Variants in ACTN1 observed in about 807,000 individuals in gnomAD.
ACTN1 encodes alpha-actinin-1.
A neutral mutation model predicts 119.6 loss-of-function variants in ACTN1; 30 were observed. The observed-to-expected ratio is 0.25, with a 90% confidence interval of 0.19 to 0.34. The LOEUF (loss-of-function observed/expected upper bound fraction) is 0.34, where lower values mean the gene tolerates loss of function less well. Ranked by LOEUF, ACTN1 falls within the 10% of genes least tolerant of loss-of-function variation. The pLI, the probability that ACTN1 is intolerant of heterozygous loss-of-function variation, is 1.00. For synonymous variants in ACTN1, 429 were observed against 472.6 expected (o/e 0.91, Z 1.20); for missense variants, 764 against 1,223.4 (o/e 0.62, Z 5.60).
At chr14:68,895,038 G>A (rs1390573414) in intron 8 of ACTN1, among the ~76,000 whole-genome samples, 1 of 150,880 alleles carries the variant, frequency 6.6e-6, no homozygotes, top group Non-Finnish European at 1.5e-5. Context: ...GGGGCAGGGG[G>A]TAAGGGGCAG....
intron 8 of ACTN1, among the ~76,000 whole-genome samples, chr14:68,901,409 G>T (rs546870655): frequency 3.2e-4 from 48 of 151,994 alleles, no homozygotes; most frequent in African/African-American, 1.1e-3. Flanking sequence ...TATCACACCC[G>T]GCTAATTTTT....
At chr14:68,893,889 C>T (rs1031371665) in intron 8 of ACTN1, 142 bp from the exon 9 acceptor site, 1 of 710,704 alleles carries the variant, frequency 1.4e-6, no homozygotes. Context: ...AGGTCACATT[C>T]CTCCTCTCTC....
chr14:68,963,104 C>CTTTGGTTA (rs2036591976), intron 1 of ACTN1, among the ~76,000 whole-genome samples: 1 of 152,018 alleles, frequency 6.6e-6, no homozygotes, highest in Non-Finnish European at 1.5e-5. Flanking sequence ...CTTTGCAGGC[C>CTTTGGTTA]CACCTCCCCT....
At chr14:68,926,311 C>T (rs4902673) in intron 1 of ACTN1, among the ~76,000 whole-genome samples, 8,832 of 152,208 alleles carry the variant, frequency 0.058, 534 homozygotes, top group African/African-American at 0.14. Flanking sequence ...GTAAGGAGGT[C>T]AAATCAAAGA....
chr14:68,881,109 C>A, intron 16 of ACTN1, 120 bp from the exon 17 acceptor site: 1 of 927,314 alleles, frequency 1.1e-6, no homozygotes, highest in Non-Finnish European at 1.6e-6. Flanking sequence ...CCATCCCAGC[C>A]CTAAGGAGGC....
rs200777938 is a variant in ACTN1 at position 68,892,119 on chromosome 14, C to A, written c.1020G>T (p.Thr340=). The A allele has an allele frequency of 6.2e-7, 1 of 1,613,984 alleles. No homozygotes were observed. The highest frequency in any genetic ancestry group is 8.5e-7 in the Non-Finnish European group (1 of 1,180,012). The change falls in exon 10 of 22, where the codon ACG becomes ACT. Residue 340 remains threonine, a synonymous_variant. Coordinates refer to ENST00000394419, the MANE Select transcript of ACTN1 (RefSeq NM_001130004.2). ...EKCQLEINFN[T]LQTKLRLSNR... ...TGCTGAGCCGCAGCTTGGTCTGCAGCGTGTTGAAGTTGATCTCCAGCTGGC... is the reference window on the plus strand; with the variant it reads ...TGCTGAGCCGCAGCTTGGTCTGCAGAGTGTTGAAGTTGATCTCCAGCTGGC...
rs755537735 is a variant in ACTN1 at position 68,884,151 on chromosome 14, G to A, written c.1635+17C>T. The A allele has an allele frequency of 4.4e-6, 7 of 1,604,488 alleles. No individual in the cohort carries two copies. The highest frequency in any genetic ancestry group is 2.7e-5 in the African/African-American group (2 of 74,702). On this transcript the variant is annotated intron_variant, in intron 14 of 21. Coordinates refer to ENST00000394419, the MANE Select transcript of ACTN1 (RefSeq NM_001130004.2). The stretch of plus-strand genomic sequence containing the variant: ...CCCCAGGGGAGCCAGCCTCCGGGGA[G>A]TGGAGGTGGGGCTCACCTGGATCTC...
chr14:68,923,902 G>A lies in ACTN1; in HGVS notation c.220+1656C>T, dbSNP rs540788373. On this transcript the variant is annotated intron_variant, in intron 2 of 21. Coordinates refer to ENST00000394419, the MANE Select transcript of ACTN1 (RefSeq NM_001130004.2). ...AAATGTGGGGAGCCATTTTATAGCT[G>A]TAGGTCATACATACAATGGAATACG... Among the ~76,000 whole-genome samples, 286 of 152,328 alleles carry A rather than the reference G, an allele frequency of 1.9e-3. 1 individual carries two copies. The highest frequency in any genetic ancestry group is 3.3e-3 in the Non-Finnish European group (224 of 68,022).
intron 4 of ACTN1, among the ~76,000 whole-genome samples, chr14:68,911,267 G>T (rs539416729): frequency 6.6e-6 from 1 of 152,296 alleles, no homozygotes; most frequent in East Asian, 1.9e-4. Context: ...TGACTGCAGA[G>T]CTGACAAGAA....
At chr14:68,906,162 A>C (rs1239096908) in intron 6 of ACTN1, among the ~76,000 whole-genome samples, 1 of 152,200 alleles carries the variant, frequency 6.6e-6, no homozygotes, top group Admixed American at 6.5e-5. Flanking sequence ...TGGTAGGAAC[A>C]GTTGTACAAT....
At chr14:68,903,606 C>T (rs2033481694) in intron 7 of ACTN1, among the ~76,000 whole-genome samples, 2 of 151,960 alleles carry the variant, frequency 1.3e-5, no homozygotes, top group Admixed American at 6.6e-5. Flanking sequence ...TGGTCTTTTC[C>T]TGTCTCCATA....
chr14:68,903,340 C>T (rs1239767496), intron 7 of ACTN1, among the ~76,000 whole-genome samples: 1 of 152,096 alleles, frequency 6.6e-6, no homozygotes, highest in Non-Finnish European at 1.5e-5. Flanking sequence ...GCCAGGAGTT[C>T]GAGACCAGCC....
chr14:68,877,315 G>A, intron 20 of ACTN1, 75 bp from the exon 21 acceptor site: 2 of 1,570,294 alleles, frequency 1.3e-6, no homozygotes, highest in Admixed American at 1.7e-5. Context: ...TGAAGACCCT[G>A]GGGGCTCAGA....
chr14:68,880,123 G>A lies in ACTN1; in HGVS notation c.2134-15C>T, dbSNP rs370937304. ...ACACGGATGTGCTGCAGGACGGCAA[G>A]GGGCCTGTCAGCAAAGGGGTCCCAG... On this transcript the variant is annotated splice_polypyrimidine_tract_variant and intron_variant, in intron 17 of 21. Transcript: ENST00000394419. This position sits in a 1 kb window ranked among gnomAD's most constrained non-coding sequence, Gnocchi z 4.6. 6.8e-6 allele frequency: 11 copies of A among 1,612,144 alleles called. No homozygotes were observed. The highest frequency in any genetic ancestry group is 1.7e-4 in the Middle Eastern group (1 of 5,726).
rs2031953877 is a variant in ACTN1, at chr14:68,885,802, A to C, written c.1235-227T>G. 1 of 554,008 alleles carries C rather than the reference A, an allele frequency of 1.8e-6. No individual in the cohort carries two copies. Among genetic ancestry groups the C allele is most frequent in the South Asian group, 2.2e-5 (1 of 44,796 alleles). The allele number at this position is 554,008 out of a possible 1,614,324, so 34.3% of individuals were successfully genotyped here. The stretch of plus-strand genomic sequence containing the variant: ...CCTCAGAGCACTTCCAAGGCCATGA[A>C]AGTGTCTACGCAGGAAGGCTATGCA... On this transcript the variant is annotated intron_variant, in intron 11 of 21. Transcript: ENST00000394419. This position sits in a 1 kb window ranked among gnomAD's most constrained non-coding sequence, Gnocchi z 5.6.
At chr14:68,889,026 T>A (rs1354827808) in intron 11 of ACTN1, among the ~76,000 whole-genome samples, 1 of 152,124 alleles carries the variant, frequency 6.6e-6, no homozygotes. Context: ...CAGGGCTGAC[T>A]GGGGGAGTCT....
chr14:68,971,345 G>C (rs1035869405), intron 1 of ACTN1, among the ~76,000 whole-genome samples: 1 of 152,206 alleles, frequency 6.6e-6, no homozygotes, highest in Admixed American at 6.5e-5. Flanking sequence ...CTGGTTGGTT[G>C]GTTGGTTGGA....
intron 1 of ACTN1, among the ~76,000 whole-genome samples, chr14:68,972,165 C>A (rs1182586469): frequency 6.6e-6 from 1 of 152,184 alleles, no homozygotes; most frequent in Non-Finnish European, 1.5e-5. Flanking sequence ...CACCCTCTCC[C>A]CAACCCACCC....
intron 1 of ACTN1, among the ~76,000 whole-genome samples, chr14:68,929,998 C>T (rs1271942784): frequency 6.6e-6 from 1 of 152,270 alleles, no homozygotes; most frequent in Admixed American, 6.5e-5. Context: ...TCACATTGTC[C>T]ACCTTCTGTA....
Sources: gnomAD v4.1 joint callset for allele counts (sites outside exome capture counted in the v4.1 genomes callset) on GRCh38, gnomAD v4.1.1 for gene constraint, Gnocchi (gnomAD v3.1) non-coding constraint, MANE v1.5 for transcripts, NCBI Gene and HGNC (gene_info 2026-07-23, HGNC 2026-07-21) for gene names.